The following ITGB8 variants were observed in gnomAD, a reference collection of about 807,000 sequenced individuals.
ITGB8 encodes integrin beta-8.
ITGB8 carries 30 observed loss-of-function variants against 89.5 expected under a neutral mutation model. That is an observed-to-expected ratio of 0.34 (90% CI 0.25 to 0.45). The LOEUF (loss-of-function observed/expected upper bound fraction) is 0.45, where lower values mean the gene tolerates loss of function less well. Ranked by LOEUF, ITGB8 falls within the 20% of genes least tolerant of loss-of-function variation. The probability of loss-of-function intolerance (pLI) is 1.00; values close to 1 mark genes in which losing one functional copy is unlikely to be tolerated. For missense variants in ITGB8, 836 were observed against 933.3 expected (o/e 0.90, Z 1.36); for synonymous variants, 335 against 320.4 (o/e 1.05, Z -0.49).
chr7:20,381,298 G>C (rs1174330951), intron 5 of ITGB8: 5 of 156,090 alleles, frequency 3.2e-5, no homozygotes, highest in Admixed American at 2.6e-4. Flanking sequence ...GAGCAGCTGG[G>C]ACTACAGGCG....
chr7:20,382,770 G>A (rs1324655448), intron 6 of ITGB8, among the ~76,000 whole-genome samples: 1 of 152,082 alleles, frequency 6.6e-6, no homozygotes, highest in Non-Finnish European at 1.5e-5. Context: ...TGTATCAAGT[G>A]TAGAGATACA....
intron 1 of ITGB8, among the ~76,000 whole-genome samples, chr7:20,336,033 T>A (rs564217097): frequency 8.9e-6 from 1 of 112,216 alleles, no homozygotes; most frequent in Non-Finnish European, 1.7e-5. Flanking sequence ...TGAGACGGAG[T>A]CTTGCTCTGT....
chr7:20,351,157 G>C (rs1356158621), intron 1 of ITGB8, among the ~76,000 whole-genome samples: 1 of 152,188 alleles, frequency 6.6e-6, no homozygotes, highest in South Asian at 2.1e-4. Flanking sequence ...CATACTACTT[G>C]TATTAAAGAA....
intron 1 of ITGB8, among the ~76,000 whole-genome samples, chr7:20,355,976 C>A (rs949008338): frequency 6.6e-6 from 1 of 152,150 alleles, no homozygotes; most frequent in African/African-American, 2.4e-5. Context: ...ACAAATAGAT[C>A]CTTGCTCCCC....
At position 20,338,469 on chromosome 7, in the gene ITGB8, C is replaced by T. The variant is rs534204690; in HGVS notation, c.127+6536C>T. On this transcript the variant is annotated intron_variant, in intron 1 of 13. Transcript: ENST00000222573. ...TGGAGTAAAGACCAGCCCGTCTTTA[C>T]TAAAAATACAAAAATTAGCGGGGCA... is the stretch of plus-strand genomic sequence containing the variant. Among the ~76,000 whole-genome samples, 12 of 151,862 alleles carry T rather than the reference C, an allele frequency of 7.9e-5. No individual in the cohort carries two copies. In the South Asian group the frequency reaches 2.3e-3, roughly 29 times the overall value.
At chr7:20,406,638 G>T (rs1415422066) in intron 12 of ITGB8, among the ~76,000 whole-genome samples, 1 of 150,972 alleles carries the variant, frequency 6.6e-6, no homozygotes, top group African/African-American at 2.4e-5. Flanking sequence ...GTGTGTTTTT[G>T]TGTCATCTTC....
At chr7:20,400,750 C>A (rs1787276274) in intron 9 of ITGB8, among the ~76,000 whole-genome samples, 2 of 152,196 alleles carry the variant, frequency 1.3e-5, no homozygotes, top group African/African-American at 2.4e-5. Context: ...GGGCTATCTT[C>A]TTCCATGGAG....
intron 5 of ITGB8, 82 bp downstream of exon 5, chr7:20,380,913 G>T: frequency 1.6e-6 from 2 of 1,240,150 alleles, no homozygotes; most frequent in South Asian, 2.8e-5. Flanking sequence ...TCTTTGATTT[G>T]TGGAGTGAAA....
intron 1 of ITGB8, among the ~76,000 whole-genome samples, chr7:20,334,615 G>T (rs967532447): frequency 2.6e-5 from 4 of 152,084 alleles, no homozygotes; most frequent in Admixed American, 6.5e-5. Flanking sequence ...CATAGCATAA[G>T]TGTTCCCAGA....
In ITGB8 at chr7:20,411,720, T is replaced by C. The variant is rs551869801; in HGVS notation, c.*1723T>C. On this transcript the variant is annotated 3_prime_UTR_variant, in exon 14 of 14. Coordinates refer to ENST00000222573, the MANE Select transcript of ITGB8 (RefSeq NM_002214.3). ...ATAGAAAGGAATAATTCAAACTGAA[T>C]TGTCCATAATCAGCTTCCAGTCTTT... The C allele has an allele frequency of 2.1e-4, 32 of 152,720 alleles. No homozygotes were observed. The highest frequency in any genetic ancestry group is 6.0e-4 in the African/African-American group (25 of 41,594). 9.5% of individuals were successfully genotyped at this position (152,720 alleles called of 1,614,324 possible).
chr7:20,381,852 G>A lies in ITGB8; in HGVS notation c.927G>A (p.Leu309=). ...IVVPNDGNCH[L]KNNVYVKSTT... is the part of the protein sequence containing the mutation. ...TGCCCAATGACGGAAACTGTCATCT[G>A]AAAAACAACGTCTATGTCAAATCGA... is the stretch of plus-strand genomic sequence containing the variant. Residue 309 remains leucine, a synonymous_variant, in exon 6 of 14, where the codon CTG becomes CTA. Coordinates refer to ENST00000222573, the MANE Select transcript of ITGB8 (RefSeq NM_002214.3). 1 of 1,613,462 alleles carries A rather than the reference G, an allele frequency of 6.2e-7. No homozygotes were observed. Among genetic ancestry groups the A allele is most frequent in the Non-Finnish European group, 8.5e-7 (1 of 1,179,738 alleles).
chr7:20,349,969 G>A (rs1406773016), intron 1 of ITGB8, among the ~76,000 whole-genome samples: 2 of 152,154 alleles, frequency 1.3e-5, no homozygotes, highest in Non-Finnish European at 2.9e-5. Context: ...TACAGTCAAC[G>A]TACAGAACCC....
chr7:20,370,600 TTTATTATTATTA>T (rs67123203), intron 3 of ITGB8, among the ~76,000 whole-genome samples: 7 of 144,406 alleles, frequency 4.8e-5, no homozygotes, highest in Non-Finnish European at 1.1e-4. Context: ...TATTTACTTA[TTTATTATTATTA>T]TTATTATTAT....
intron 1 of ITGB8, among the ~76,000 whole-genome samples, chr7:20,336,103 T>C (rs1351678401): frequency 6.7e-6 from 1 of 148,616 alleles, no homozygotes; most frequent in Non-Finnish European, 1.5e-5. Flanking sequence ...CCTCCTGGGT[T>C]CACACCATTC....
intron 9 of ITGB8, 85 bp downstream of exon 9, chr7:20,399,079 A>C (rs1787203951): frequency 7.2e-7 from 1 of 1,386,074 alleles, no homozygotes; most frequent in African/African-American, 1.5e-5. Context: ...CATTCTGAAA[A>C]ATTTTACTTA....
At chr7:20,339,684 A>T (rs1445462211) in intron 1 of ITGB8, among the ~76,000 whole-genome samples, 2 of 152,246 alleles carry the variant, frequency 1.3e-5, no homozygotes, top group Non-Finnish European at 2.9e-5. Context: ...TACTTTTAAG[A>T]TGATTTTTAA....
intron 6 of ITGB8, among the ~76,000 whole-genome samples, chr7:20,389,665 A>G (rs1173505071): frequency 6.6e-6 from 1 of 152,224 alleles, no homozygotes; most frequent in Admixed American, 6.5e-5. Flanking sequence ...AAAATACTTG[A>G]AAAGCAGTTG....
intron 6 of ITGB8, among the ~76,000 whole-genome samples, chr7:20,390,416 C>T (rs900145308): frequency 6.6e-6 from 1 of 152,010 alleles, no homozygotes; most frequent in African/African-American, 2.4e-5. Flanking sequence ...CAATAATATA[C>T]CTAACTATAT....
intron 1 of ITGB8, among the ~76,000 whole-genome samples, chr7:20,357,272 T>G (rs1785327613): frequency 6.6e-6 from 1 of 152,218 alleles, no homozygotes; most frequent in African/African-American, 2.4e-5. Flanking sequence ...TTCAACTTTA[T>G]GGGCTTTTAA....
Sources: allele counts gnomAD v4.1 joint callset (sites outside exome capture counted in the v4.1 genomes callset), GRCh38; gene constraint gnomAD v4.1.1; transcripts MANE v1.5; gene names NCBI Gene and HGNC (gene_info 2026-07-23, HGNC 2026-07-21).